The following SYNE2 variants were observed in gnomAD, a reference collection of about 807,000 sequenced individuals.
SYNE2 encodes spectrin repeat containing nuclear envelope protein 2.
SYNE2 carries 431 observed loss-of-function variants against 856.3 expected under a neutral mutation model. The ratio of observed to expected loss-of-function variants is 0.50; its 90% CI spans 0.47 to 0.55. SYNE2 has a LOEUF of 0.55. Among genes scored for constraint, SYNE2 ranks in the 20% least tolerant of loss-of-function variants. The pLI is 0.00. For missense variants in SYNE2, 8,129 were observed against 8,023.2 expected (o/e 1.01, Z -0.50); for synonymous variants, 2,923 against 2,872.3 (o/e 1.02, Z -0.56).
intron 1 of SYNE2, among the ~76,000 whole-genome samples, chr14:63,868,612 C>T (rs1233887109): frequency 1.3e-5 from 2 of 152,004 alleles, no homozygotes; most frequent in African/African-American, 2.4e-5. Context: ...GTGTCAGAAA[C>T]ATTTAAATAA....
chr14:64,088,046 C>T (rs1330252671), intron 58 of SYNE2, among the ~76,000 whole-genome samples, 190 bp downstream of exon 58: 1 of 152,120 alleles, frequency 6.6e-6, no homozygotes, highest in Non-Finnish European at 1.5e-5. Context: ...AGCTGGGCAT[C>T]GTGGTGCACA....
At chr14:63,897,911 A>T (rs945187409) in intron 1 of SYNE2, among the ~76,000 whole-genome samples, 3 of 152,186 alleles carry the variant, frequency 2.0e-5, no homozygotes, top group Non-Finnish European at 4.4e-5. Flanking sequence ...TCCTACCCAG[A>T]GGAACAGCGA....
intron 49 of SYNE2, among the ~76,000 whole-genome samples, chr14:64,062,083 G>A (rs1458557412): frequency 6.6e-6 from 1 of 151,958 alleles, no homozygotes; most frequent in African/African-American, 2.4e-5. Flanking sequence ...TAATTTTAGT[G>A]TTTTAAAATA....
chr14:64,179,653 T>A (rs2098449402), intron 96 of SYNE2, among the ~76,000 whole-genome samples: 1 of 152,254 alleles, frequency 6.6e-6, no homozygotes, highest in Non-Finnish European at 1.5e-5. Context: ...TATTAGTCAG[T>A]TGCACATTTT....
chr14:64,177,419 C>T lies in SYNE2; in HGVS notation c.17492C>T (p.Ala5831Val). 6.2e-7 allele frequency: 1 copy of T among 1,614,126 alleles called. No homozygotes were observed. Among genetic ancestry groups the T allele is most frequent in the Non-Finnish European group, 8.5e-7 (1 of 1,180,016 alleles). Reference sequence around the variant, plus strand: ...AAAAGCAGGCTGCAAGTTTTAAAGGCACAAAGTGAAGATCCTCTTCCAGAG... The same window carrying T: ...AAAAGCAGGCTGCAAGTTTTAAAGGTACAAAGTGAAGATCCTCTTCCAGAG... ...ELKSRLQVLKAQSEDPLPELH... is the reference protein window; with the variant it reads ...ELKSRLQVLKVQSEDPLPELH... Residue 5831 changes from alanine (A) to valine (V), a missense_variant, in exon 96 of 116, where the codon GCA becomes GTA. Around this residue, in one of 3 missense-constraint regions of SYNE2, gnomAD observed 5,410 missense variants for 5,284.8 expected, o/e 1.02. Coordinates refer to ENST00000555002, the MANE Select transcript of SYNE2 (RefSeq NM_182914.3).
In SYNE2 at chr14:64,070,691, C is replaced by G; in HGVS notation, c.10478C>G (p.Pro3493Arg). The G allele has an allele frequency of 6.2e-7, 1 of 1,613,930 alleles. No homozygotes were observed. Among genetic ancestry groups the G allele is most frequent in the Admixed American group, 1.7e-5 (1 of 59,998 alleles). ...IILDNLQEEL[P>R]EISKTKEAAT... is the part of the protein sequence containing the mutation. The stretch of plus-strand genomic sequence containing the variant: ...TTAGATAATCTTCAGGAAGAACTCC[C>G]TGAAATTTCCAAAACAAAAGAGGCA... Residue 3493 changes from proline to arginine, a missense_variant, in exon 52 of 116, where the codon CCT becomes CGT. Physicochemically the swap from Pro to Arg is moderately radical, Grantham distance 103 (BLOSUM62 -2). Coordinates refer to ENST00000555002, the MANE Select transcript of SYNE2 (RefSeq NM_182914.3).
intron 65 of SYNE2, 136 bp from the exon 66 acceptor site, chr14:64,113,205 A>C (rs1342815911): frequency 1.3e-6 from 2 of 1,524,096 alleles, no homozygotes; most frequent in Non-Finnish European, 1.7e-6. Context: ...GTGGAGGTGC[A>C]TTTCTCTTTT....
At chr14:63,821,011 G>C (rs1339841055) in intron 1 of SYNE2, among the ~76,000 whole-genome samples, 1 of 151,778 alleles carries the variant, frequency 6.6e-6, no homozygotes, top group African/African-American at 2.4e-5. Flanking sequence ...TCAGCCTTTG[G>C]GATTACAGGT....
intron 8 of SYNE2, among the ~76,000 whole-genome samples, chr14:63,955,761 C>A: frequency 6.6e-6 from 1 of 152,138 alleles, no homozygotes; most frequent in Non-Finnish European, 1.5e-5. Context: ...ATAATTATAA[C>A]GTTTATGATA....
At chr14:63,818,367 A>T (rs1035905278) in intron 1 of SYNE2, among the ~76,000 whole-genome samples, 10 of 121,452 alleles carry the variant, frequency 8.2e-5, no homozygotes, top group Non-Finnish European at 1.6e-4. Context: ...AAAAAAAAAA[A>T]ATTAGTTGGG....
intron 112 of SYNE2, among the ~76,000 whole-genome samples, 189 bp from the exon 113 acceptor site, chr14:64,223,000 A>G (rs1405402535): frequency 2.0e-5 from 3 of 152,226 alleles, no homozygotes; most frequent in Admixed American, 6.5e-5. Flanking sequence ...GGGGCAGGGC[A>G]TAATACACTT....
Position 64,202,814 on chromosome 14 carries a change from A to C in SYNE2, c.18052A>C (p.Lys6018Gln). The change falls in exon 100 of 116, where the codon AAG (lysine) becomes CAG (glutamine). Residue 6018 changes from lysine to glutamine, a missense_variant. Lys to Gln is a moderately conservative substitution (Grantham distance 53). Transcript: ENST00000555002. ...AAATATGTGTAGGGTGAAGAAGCTG[A>C]AGGAGACCTTTGCTTTTATTCAGCA... The part of the protein sequence containing the change: ...DVIGSRVKKL[K>Q]ETFAFIQQLD... 6.2e-7 allele frequency: 1 copy of C among 1,614,068 alleles called. No homozygotes were observed. Among genetic ancestry groups the C allele is most frequent in the Non-Finnish European group, 8.5e-7 (1 of 1,180,014 alleles).
chr14:64,166,438 CTG>C (rs2098379658), intron 90 of SYNE2, among the ~76,000 whole-genome samples: 1 of 152,202 alleles, frequency 6.6e-6, no homozygotes, highest in Non-Finnish European at 1.5e-5. Context: ...AGCTTAGAAG[CTG>C]TCGCTGGAAT....
chr14:64,191,059 C>T (rs993914498), intron 99 of SYNE2: 22 of 701,774 alleles, frequency 3.1e-5, no homozygotes, highest in Admixed American at 6.0e-5. Context: ...TTGAACAACA[C>T]ATAGAATTTG....
chr14:63,912,180 C>G (rs545193292), intron 2 of SYNE2, among the ~76,000 whole-genome samples: 1 of 151,988 alleles, frequency 6.6e-6, no homozygotes, highest in Non-Finnish European at 1.5e-5. Context: ...GAATAGATTT[C>G]CCAAAGTTAA....
rs1474325637 is a variant in SYNE2, at chr14:63,924,795, C to T, written c.79+15568C>T. Among the ~76,000 whole-genome samples, 3 of 129,208 alleles carry T rather than the reference C, an allele frequency of 2.3e-5. No individual in the cohort carries two copies. In the East Asian group the frequency reaches 7.7e-4, roughly 33 times the overall value. 84.8% of individuals were successfully genotyped at this position (129,208 alleles called of 152,430 possible). A position where few individuals can be genotyped will look rare whatever the true frequency, so the allele number is the denominator to read the frequency against. On this transcript the variant is annotated intron_variant, in intron 2 of 115. Transcript: ENST00000555002. ...TCTGCATAAAAGTTCATGTCATTGC[C>T]ATTAAAGACAATTTAACTTTTTTCC...
intron 2 of SYNE2, among the ~76,000 whole-genome samples, chr14:63,919,380 G>T (rs2095569922): frequency 6.6e-6 from 1 of 152,206 alleles, no homozygotes; most frequent in Admixed American, 6.5e-5. Context: ...ACAAGGAACT[G>T]CCTGCAAAGT....
chr14:64,107,642 A>C, intron 65 of SYNE2, 35 bp downstream of exon 65: 1 of 1,513,526 alleles, frequency 6.6e-7, no homozygotes, highest in Non-Finnish European at 9.2e-7. Context: ...AACTGCTCAG[A>C]TAGCTGGACT....
intron 2 of SYNE2, among the ~76,000 whole-genome samples, chr14:63,919,972 G>GTTTTTTTTTTT (rs10673123): frequency 0.039 from 4,247 of 109,886 alleles, 172 homozygotes; most frequent in Non-Finnish European, 0.052. Flanking sequence ...TAAAAGGTAA[G>GTTTTTTTTTTT]TTTTTTTTTT....
Sources: allele counts gnomAD v4.1 joint callset (sites outside exome capture counted in the v4.1 genomes callset), GRCh38; gene constraint gnomAD v4.1.1; regional missense constraint gnomAD v4.1.1; transcripts MANE v1.5; gene names NCBI Gene and HGNC (gene_info 2026-07-23, HGNC 2026-07-21).